The following CC2D2B variants were observed in gnomAD, a reference collection of about 807,000 sequenced individuals.
CC2D2B encodes the protein coiled-coil and C2 domain containing 2B, also known as protein CC2D2B.
A neutral mutation model predicts 161.2 loss-of-function variants in CC2D2B; 128 were observed. The observed-to-expected ratio is 0.79, with a 90% CI of 0.69 to 0.92. The LOEUF (loss-of-function observed/expected upper bound fraction) is 0.92, where lower values mean the gene tolerates loss of function less well. Among genes scored for constraint, CC2D2B ranks in the 40% least tolerant of loss-of-function variants. CC2D2B has a pLI of 0.00. For missense variants in CC2D2B, 1,173 were observed against 1,375.1 expected, an observed-to-expected ratio of 0.85 and a Z score of 2.32; for synonymous variants, 391 against 449.8, an observed-to-expected ratio of 0.87 and a Z score of 1.65.
At chr10:95,985,056 G>T (rs2077666549) in intron 19 of CC2D2B, among the ~76,000 whole-genome samples, 1 of 152,084 alleles carries the variant, frequency 6.6e-6, no homozygotes. Context: ...AAGACTGTAA[G>T]ATACATAGGA....
At chr10:95,981,829 A>G (rs747349725) in intron 17 of CC2D2B, 146 bp from the exon 18 acceptor site, 4 of 414,518 alleles carry the variant, frequency 9.6e-6, no homozygotes, top group Non-Finnish European at 1.2e-5. Context: ...TCAACTTTCT[A>G]TTCTATCCAT....
At chr10:95,995,959 C>A (rs927715246) in intron 23 of CC2D2B, among the ~76,000 whole-genome samples, 184 bp from the exon 24 acceptor site, 3 of 152,080 alleles carry the variant, frequency 2.0e-5, no homozygotes, top group African/African-American at 7.2e-5. Context: ...ATCTTTAGAT[C>A]CTAGAAAAGT....
At chr10:95,970,784 A>C (rs978014607) in intron 15 of CC2D2B, among the ~76,000 whole-genome samples, 1 of 152,248 alleles carries the variant, frequency 6.6e-6, no homozygotes, top group African/African-American at 2.4e-5. Context: ...TACAATAAGA[A>C]AGTTATTTCA....
chr10:95,950,218 C>T (rs1475417173), intron 10 of CC2D2B, 113 bp downstream of exon 10: 1 of 395,756 alleles, frequency 2.5e-6, no homozygotes, highest in African/African-American at 2.1e-5. Flanking sequence ...AACAATGGTT[C>T]AATTTCAGTT....
At chr10:95,952,063 C>T (rs1219188215) in intron 10 of CC2D2B, among the ~76,000 whole-genome samples, 1 of 152,110 alleles carries the variant, frequency 6.6e-6, no homozygotes, top group Non-Finnish European at 1.5e-5. Context: ...GTTCATTGGC[C>T]TCCCACTAAA....
intron 2 of CC2D2B, chr10:95,921,496 G>A (rs551629872): frequency 6.6e-6 from 1 of 152,240 alleles, no homozygotes; most frequent in African/African-American, 2.4e-5. Context: ...CTGATTTTTG[G>A]TTCTTGTGAA....
intron 5 of CC2D2B, among the ~76,000 whole-genome samples, chr10:95,925,634 A>G (rs1310569686): frequency 6.6e-6 from 1 of 152,244 alleles, no homozygotes; most frequent in Admixed American, 6.5e-5. Flanking sequence ...AGTAGCTGTA[A>G]CAAAAAGATT....
In CC2D2B at chr10:95,927,270, A is replaced by T; in HGVS notation, c.274A>T (p.Ser92Cys). Residue 92 changes from serine (S) to cysteine (C), a missense_variant, in exon 6 of 35, where the codon AGT (serine) becomes TGT (cysteine). By Grantham distance (112) the Ser-to-Cys change is moderately radical. Coordinates refer to ENST00000646931, the MANE Select transcript of CC2D2B (RefSeq NM_001349008.3). The part of the protein sequence containing the change: ...SPQTEVSLDE[S>C]LSFFILSGEE... Reference sequence around the variant, plus strand: ...ACAGACTGAAGTCTCATTGGATGAAAGTCTTTCATTTTTCATTCTGAGTGG... The same window carrying T: ...ACAGACTGAAGTCTCATTGGATGAATGTCTTTCATTTTTCATTCTGAGTGG... 6.4e-7 allele frequency: 1 copy of T among 1,551,382 alleles called. No individual in the cohort carries two copies. Among genetic ancestry groups the T allele is most frequent in the Non-Finnish European group, 8.7e-7 (1 of 1,146,370 alleles).
At chr10:95,938,221 C>A in intron 7 of CC2D2B, 32 bp downstream of exon 7, 2 of 1,383,564 alleles carry the variant, frequency 1.4e-6, no homozygotes, top group Non-Finnish European at 2.0e-6. Flanking sequence ...ATATTCAAGT[C>A]ATTAACGAAT....
intron 32 of CC2D2B, among the ~76,000 whole-genome samples, chr10:96,024,355 A>G (rs763000995): frequency 1.2e-4 from 18 of 152,386 alleles, no homozygotes; most frequent in Non-Finnish European, 2.4e-4. Context: ...GAAGATGATC[A>G]ACCATGTTAG....
rs1370090515 is a variant in CC2D2B at position 96,032,782 on chromosome 10, T to G, written c.*774T>G. Reference sequence around the variant, plus strand: ...TATTTGGAAGGAACTCCCAGGAAACTCTAATTTCTCCCAATTCTGTGAGGG... The same window carrying G: ...TATTTGGAAGGAACTCCCAGGAAACGCTAATTTCTCCCAATTCTGTGAGGG... On this transcript the variant is annotated 3_prime_UTR_variant, in exon 35 of 35. Coordinates refer to ENST00000646931, the MANE Select transcript of CC2D2B (RefSeq NM_001349008.3). 1 of 470,336 alleles carries G rather than the reference T, an allele frequency of 2.1e-6. No homozygotes were observed. Among genetic ancestry groups the G allele is most frequent in the Admixed American group, 2.4e-5 (1 of 42,546 alleles). 29.1% of individuals were successfully genotyped at this position (470,336 alleles called of 1,614,324 possible).
intron 17 of CC2D2B, among the ~76,000 whole-genome samples, chr10:95,980,655 A>T (rs1208049168): frequency 6.6e-6 from 1 of 152,170 alleles, no homozygotes; most frequent in South Asian, 2.1e-4. Flanking sequence ...AAAGAAGAAT[A>T]TGCAAACTTC....
chr10:96,033,528 A>G lies in CC2D2B; in HGVS notation c.*1520A>G, dbSNP rs556561715. On this transcript the variant is annotated 3_prime_UTR_variant, in exon 35 of 35. Coordinates refer to ENST00000646931, the MANE Select transcript of CC2D2B (RefSeq NM_001349008.3). ...AGCACAAAATGATGCTGATGGAAAGATGAGGATGCCAAAGACAGACTGAAT... is the reference window on the plus strand; with the variant it reads ...AGCACAAAATGATGCTGATGGAAAGGTGAGGATGCCAAAGACAGACTGAAT... Among the ~76,000 whole-genome samples, 3 of 152,356 alleles carry G rather than the reference A, an allele frequency of 2.0e-5. No homozygotes were observed. Among genetic ancestry groups the G allele is most frequent in the African/African-American group, 7.2e-5 (3 of 41,596 alleles).
In CC2D2B at chr10:95,974,072, T is replaced by C; in HGVS notation, c.1859T>C (p.Leu620Pro). 8.1e-7 allele frequency: 1 copy of C among 1,230,860 alleles called. No homozygotes were observed. The highest frequency in any genetic ancestry group is 1.0e-6 in the Non-Finnish European group (1 of 986,810). The allele number at this position is 1,230,860 out of a possible 1,614,324, so 76.2% of individuals were successfully genotyped here. The change falls in exon 17 of 35, where the codon CTT becomes CCT. Residue 620 changes from leucine to proline, a missense_variant. This residue lies in a region of CC2D2B where 277 missense variants were observed against 420.6 expected (regional missense o/e 0.66). Transcript: ENST00000646931. The part of the protein sequence containing the change: ...EELCLLTSGK[L>P]SYSLSWSLDE... ...CTCTGTCTTTTGACATCAGGAAAAC[T>C]TAGCTATTCTCTATCATGGAGCTTA...
intron 6 of CC2D2B, among the ~76,000 whole-genome samples, chr10:95,934,318 C>T (rs577110227): frequency 2.0e-5 from 3 of 152,206 alleles, no homozygotes; most frequent in African/African-American, 4.8e-5. Flanking sequence ...TGCGGGGCTC[C>T]GTCGGGGTGG....
At chr10:96,026,545 C>T (rs1041189722) in intron 33 of CC2D2B, among the ~76,000 whole-genome samples, 10 of 152,086 alleles carry the variant, frequency 6.6e-5, no homozygotes, top group Admixed American at 4.6e-4. Flanking sequence ...AACAAAATGT[C>T]CAAGTCAAGG....
In CC2D2B at chr10:96,032,105, C is replaced by A. The variant is rs772864901; in HGVS notation, c.*97C>A. On this transcript the variant is annotated 3_prime_UTR_variant, in exon 35 of 35. Transcript: ENST00000646931. The stretch of plus-strand genomic sequence containing the variant: ...GAGATTTTGCTGTTTATTCTCAAGT[C>A]CAGCTAAGTGCTGGGCCCAATTTTT... 9.0e-5 allele frequency: 86 copies of A among 957,620 alleles called. No individual in the cohort carries two copies. The highest frequency in any genetic ancestry group is 1.2e-4 in the Non-Finnish European group (80 of 649,170). 59.3% of individuals were successfully genotyped at this position (957,620 alleles called of 1,614,324 possible).
chr10:95,996,206 A>C lies in CC2D2B; in HGVS notation c.2803A>C (p.Ser935Arg), dbSNP rs1190076188. The C allele has an allele frequency of 1.2e-5, 18 of 1,518,888 alleles. No individual in the cohort carries two copies. Among genetic ancestry groups the C allele is most frequent in the Middle Eastern group, 1.7e-4 (1 of 5,832 alleles). 94.1% of individuals were successfully genotyped at this position (1,518,888 alleles called of 1,614,324 possible). Residue 935 changes from serine to arginine, a missense_variant, in exon 24 of 35, where the codon AGT (serine) becomes CGT (arginine). Coordinates refer to ENST00000646931, the MANE Select transcript of CC2D2B (RefSeq NM_001349008.3). ...CACTGTATACAAAACCAATACAGCA[A>C]GTGGATCTCATCCATGCTGGAATGA... is the stretch of plus-strand genomic sequence containing the variant. ...QHTVYKTNTA[S>R]GSHPCWNEEI...
At chr10:95,969,698 G>A (rs1418384409) in intron 15 of CC2D2B, among the ~76,000 whole-genome samples, 1 of 151,844 alleles carries the variant, frequency 6.6e-6, no homozygotes, top group Non-Finnish European at 1.5e-5. Flanking sequence ...CTCTTACAAT[G>A]TCCCTCTGTT....
Sources: gnomAD v4.1 joint callset for allele counts (sites outside exome capture counted in the v4.1 genomes callset) on GRCh38, gnomAD v4.1.1 for gene constraint, gnomAD v4.1.1 regional missense constraint, MANE v1.5 for transcripts, NCBI Gene and HGNC (gene_info 2026-07-23, HGNC 2026-07-21) for gene names.